The following HIBADH variants were observed in gnomAD, a reference collection of about 807,000 sequenced individuals.
The protein encoded by HIBADH is 3-hydroxyisobutyrate dehydrogenase.
HIBADH carries 25 observed loss-of-function variants against 36.1 expected under a neutral mutation model. The ratio of observed to expected loss-of-function variants is 0.69; its 90% CI spans 0.50 to 0.97. HIBADH has a LOEUF of 0.97. Among genes scored for constraint, HIBADH ranks in the 50% least tolerant of loss-of-function variants. HIBADH has a pLI of 0.00. For synonymous variants in HIBADH, 160 were observed against 149.5 expected, an observed-to-expected ratio of 1.07 and a Z score of -0.51; for missense variants, 421 against 418.0, an observed-to-expected ratio of 1.01 and a Z score of -0.06.
chr7:27,622,735 T>C (rs374145173), intron 4 of HIBADH, among the ~76,000 whole-genome samples: 2 of 151,594 alleles, frequency 1.3e-5, no homozygotes, highest in Admixed American at 6.6e-5. Context: ...CAGAAAGAAA[T>C]AGAAAACCTG....
At position 27,526,206 on chromosome 7, in the gene HIBADH, G is replaced by C; in HGVS notation, c.*8C>G. The C allele has an allele frequency of 6.3e-7, 1 of 1,599,040 alleles. No individual in the cohort carries two copies. Among genetic ancestry groups the C allele is most frequent in the East Asian group, 2.3e-5 (1 of 44,066 alleles). ...GTTCCCAACAGTGTCCGTGGCCAAA[G>C]GGCACACTCAGAAGGTCTCCTCCTC... On this transcript the variant is annotated 3_prime_UTR_variant, in exon 8 of 8. Coordinates refer to ENST00000265395, the MANE Select transcript of HIBADH (RefSeq NM_152740.4).
At chr7:27,638,245 TG>T (rs1433432905) in intron 2 of HIBADH, among the ~76,000 whole-genome samples, 2 of 124,518 alleles carry the variant, frequency 1.6e-5, no homozygotes, top group East Asian at 5.2e-4. Context: ...CACAGACCAA[TG>T]GGACAGAATA....
chr7:27,651,216 T>G (rs1251833652), intron 1 of HIBADH, among the ~76,000 whole-genome samples: 1 of 152,238 alleles, frequency 6.6e-6, no homozygotes, highest in Non-Finnish European at 1.5e-5. Flanking sequence ...GAAGCCCTAA[T>G]GCTTAAGAAC....
At chr7:27,540,350 C>T (rs757364027) in intron 5 of HIBADH, among the ~76,000 whole-genome samples, 3 of 152,176 alleles carry the variant, frequency 2.0e-5, no homozygotes, top group Admixed American at 6.5e-5. Context: ...CTCCATCAAG[C>T]CTCTTCTGTT....
At chr7:27,557,712 A>G in intron 4 of HIBADH, among the ~76,000 whole-genome samples, 1 of 152,142 alleles carries the variant, frequency 6.6e-6, no homozygotes, top group East Asian at 1.9e-4. Context: ...GCTTCTTATA[A>G]GGGGGCCTAA....
chr7:27,609,203 G>A (rs571286337), intron 4 of HIBADH, among the ~76,000 whole-genome samples: 2 of 152,290 alleles, frequency 1.3e-5, no homozygotes, highest in African/African-American at 2.4e-5. Flanking sequence ...TTTCTTAGGC[G>A]ACAAACTGCT....
intron 4 of HIBADH, among the ~76,000 whole-genome samples, chr7:27,579,046 TAAAG>T (rs1222952469): frequency 6.6e-6 from 1 of 152,172 alleles, no homozygotes; most frequent in Non-Finnish European, 1.5e-5. Context: ...TGTTTTAGAT[TAAAG>T]AAAGATGAAG....
rs894654853 is a variant in HIBADH, at chr7:27,526,290, A to T, written c.935T>A (p.Met312Lys). The change falls in exon 8 of 8, where the codon ATG (methionine) becomes AAG (lysine). Residue 312 changes from methionine (M) to lysine (K), a missense_variant. Coordinates refer to ENST00000265395, the MANE Select transcript of HIBADH (RefSeq NM_152740.4). ...CTTTGAGTAGCCCTTTGCACACATC[A>T]TCCTGTAGATCTGATGGGCCAGACT... ...LGSLAHQIYRMMCAKGYSKKD... is the reference protein window; with the variant it reads ...LGSLAHQIYRKMCAKGYSKKD... The T allele has an allele frequency of 6.2e-7, 1 of 1,613,780 alleles. No individual in the cohort carries two copies. The highest frequency in any genetic ancestry group is 2.2e-5 in the East Asian group (1 of 44,844).
intron 2 of HIBADH, among the ~76,000 whole-genome samples, chr7:27,638,104 A>C (rs1285193702): frequency 6.6e-6 from 1 of 152,024 alleles, no homozygotes; most frequent in Non-Finnish European, 1.5e-5. Context: ...CCAAAAAAGG[A>C]GCTCAAATAG....
intron 4 of HIBADH, among the ~76,000 whole-genome samples, chr7:27,592,922 C>T (rs1002739238): frequency 2.0e-5 from 3 of 152,170 alleles, no homozygotes; most frequent in African/African-American, 7.2e-5. Flanking sequence ...CACCATACTT[C>T]CCTGTTTAAA....
At chr7:27,660,296 T>G (rs1295369264) in intron 1 of HIBADH, among the ~76,000 whole-genome samples, 1 of 152,222 alleles carries the variant, frequency 6.6e-6, no homozygotes, top group East Asian at 1.9e-4. Context: ...TTCTACTCTT[T>G]AAGAATCTAA....
intron 4 of HIBADH, among the ~76,000 whole-genome samples, chr7:27,607,879 A>G (rs934682445): frequency 6.6e-6 from 1 of 152,236 alleles, no homozygotes; most frequent in South Asian, 2.1e-4. Context: ...AAGCCAATTA[A>G]CTATTTCAGT....
intron 6 of HIBADH, among the ~76,000 whole-genome samples, chr7:27,533,552 C>T (rs377156887): frequency 6.6e-5 from 10 of 152,208 alleles, no homozygotes; most frequent in African/African-American, 1.7e-4. Flanking sequence ...TCTGAGGATT[C>T]GTTCTCTGGC....
chr7:27,646,908 C>T (rs1293350911), intron 2 of HIBADH, among the ~76,000 whole-genome samples: 1 of 151,988 alleles, frequency 6.6e-6, no homozygotes, highest in East Asian at 1.9e-4. Flanking sequence ...ATTGGCCAGG[C>T]TGGTCTTGAA....
intron 4 of HIBADH, among the ~76,000 whole-genome samples, chr7:27,563,415 A>G (rs1049276458): frequency 6.6e-5 from 10 of 152,212 alleles, no homozygotes; most frequent in African/African-American, 2.4e-4. Context: ...AGGTTTACCG[A>G]GAGGTAGGAT....
chr7:27,585,480 C>T (rs1784847831), intron 4 of HIBADH, among the ~76,000 whole-genome samples: 1 of 152,132 alleles, frequency 6.6e-6, no homozygotes. Flanking sequence ...CTGACTGCCA[C>T]AAAGACTGGG....
chr7:27,650,290 A>AC (rs1276858166), intron 1 of HIBADH, among the ~76,000 whole-genome samples: 1 of 151,310 alleles, frequency 6.6e-6, no homozygotes, highest in East Asian at 1.9e-4. Context: ...AAAAAAAAAA[A>AC]AACTCAAAAA....
At chr7:27,629,264 T>C in intron 4 of HIBADH, 107 bp downstream of exon 4, 1 of 1,087,392 alleles carries the variant, frequency 9.2e-7, no homozygotes, top group Non-Finnish European at 1.3e-6. Context: ...GAGAATCCTG[T>C]AACAAGTCTA....
chr7:27,571,230 A>AT (rs5883089), intron 4 of HIBADH, among the ~76,000 whole-genome samples: 28 of 150,976 alleles, frequency 1.9e-4, no homozygotes, highest in Non-Finnish European at 1.6e-4. Context: ...TTTTATTTTT[A>AT]TTTTTTTTTG....
Sources: gnomAD v4.1 joint callset for allele counts (sites outside exome capture counted in the v4.1 genomes callset) on GRCh38, gnomAD v4.1.1 for gene constraint, MANE v1.5 for transcripts, NCBI Gene and HGNC (gene_info 2026-07-23, HGNC 2026-07-21) for gene names.